The following CTNNA2 variants were observed in gnomAD, a reference collection of about 807,000 sequenced individuals.
CTNNA2 encodes the protein catenin alpha-2.
In CTNNA2, 42 loss-of-function variants were observed where a neutral mutation model predicts 101.0. The ratio of observed to expected loss-of-function variants is 0.42; its 90% CI spans 0.32 to 0.54. The LOEUF (loss-of-function observed/expected upper bound fraction) is 0.54, where lower values mean the gene tolerates loss of function less well. Ranked by LOEUF, CTNNA2 falls within the 20% of genes least tolerant of loss-of-function variation. The pLI is 0.14. For synonymous variants in CTNNA2, 450 were observed against 456.4 expected, an observed-to-expected ratio of 0.99 and a Z score of 0.18; for missense variants, 871 against 1,223.1, an observed-to-expected ratio of 0.71 and a Z score of 4.29.
At chr2:80,384,753 A>G (rs1676847623) in intron 7 of CTNNA2, among the ~76,000 whole-genome samples, 1 of 151,984 alleles carries the variant, frequency 6.6e-6, no homozygotes, top group Admixed American at 6.6e-5. Context: ...GTGCTGGGGA[A>G]AACCCTGTGA....
At chr2:80,144,403 A>G (rs1330137951) in intron 7 of CTNNA2, among the ~76,000 whole-genome samples, 1 of 152,222 alleles carries the variant, frequency 6.6e-6, no homozygotes, top group Non-Finnish European at 1.5e-5. Context: ...AACCCGTAAT[A>G]TGAAATGAGT....
intron 6 of CTNNA2, among the ~76,000 whole-genome samples, chr2:79,906,009 C>T (rs187806933): frequency 5.9e-5 from 9 of 152,076 alleles, no homozygotes; most frequent in Non-Finnish European, 1.0e-4. Flanking sequence ...CTTATTTTCT[C>T]GCTTGTTGGA....
chr2:80,178,011 T>G (rs1009673889), intron 7 of CTNNA2, among the ~76,000 whole-genome samples: 2 of 152,224 alleles, frequency 1.3e-5, no homozygotes, highest in African/African-American at 4.8e-5. Context: ...CACTTTCAGG[T>G]GGTGCCTGCA....
chr2:80,491,347 A>G (rs1002249432), intron 9 of CTNNA2, among the ~76,000 whole-genome samples: 4 of 152,186 alleles, frequency 2.6e-5, no homozygotes, highest in Non-Finnish European at 5.9e-5. Flanking sequence ...CTCCAGCCCA[A>G]GGTGGGAGAA....
intron 7 of CTNNA2, among the ~76,000 whole-genome samples, chr2:80,350,777 C>A (rs1673213900): frequency 6.6e-6 from 1 of 152,124 alleles, no homozygotes; most frequent in East Asian, 1.9e-4. Context: ...ACAACCATGG[C>A]TCAATGACTG....
intron 7 of CTNNA2, among the ~76,000 whole-genome samples, chr2:80,163,519 C>G (rs1221465581): frequency 6.6e-6 from 1 of 151,696 alleles, no homozygotes; most frequent in Non-Finnish European, 1.5e-5. Flanking sequence ...GTTTTATGAC[C>G]CAGGATATGG....
intron 7 of CTNNA2, among the ~76,000 whole-genome samples, chr2:80,039,505 A>G (rs1695894634): frequency 6.6e-6 from 1 of 152,168 alleles, no homozygotes; most frequent in Non-Finnish European, 1.5e-5. Flanking sequence ...TGACTTCTAC[A>G]CTGAGCAAGA....
Position 80,398,700 on chromosome 2 carries a change from C to CAA in CTNNA2, c.1137+5425_1137+5426dup, listed in dbSNP as rs1236606091. Reference sequence around the variant, plus strand: ...TGAAACTCCGTCTCTGCTAAAAATACAAAAAAAAAAAAAAAAATTCACCCG... The same window carrying CAA: ...TGAAACTCCGTCTCTGCTAAAAATACAAAAAAAAAAAAAAAAAAATTCACCCG... On this transcript the variant is annotated intron_variant, in intron 8 of 18. Transcript: ENST00000402739. Among the ~76,000 whole-genome samples, 889 of 97,684 alleles carry CAA rather than the reference C, an allele frequency of 9.1e-3. 15 individuals carry two copies. The highest frequency in any genetic ancestry group is 0.024 in the African/African-American group (710 of 30,078). 64.1% of individuals were successfully genotyped at this position (97,684 alleles called of 152,430 possible).
intron 7 of CTNNA2, among the ~76,000 whole-genome samples, chr2:80,101,723 T>C (rs1029693714): frequency 1.3e-5 from 2 of 152,212 alleles, no homozygotes; most frequent in Non-Finnish European, 2.9e-5. Flanking sequence ...ATATCTCCTC[T>C]CTGGCTCCTC....
At chr2:80,433,318 G>A (rs1349306541) in intron 9 of CTNNA2, among the ~76,000 whole-genome samples, 1 of 152,068 alleles carries the variant, frequency 6.6e-6, no homozygotes, top group African/African-American at 2.4e-5. Context: ...AAGGGGCTCA[G>A]GTGGGAACCC....
intron 16 of CTNNA2, among the ~76,000 whole-genome samples, chr2:80,606,367 A>AACACACACAC (rs67402125): frequency 7.3e-5 from 10 of 137,424 alleles, no homozygotes; most frequent in African/African-American, 2.2e-4. Context: ...AAACACATCA[A>AACACACACAC]ACACACACAC....
In CTNNA2 at chr2:80,544,989, A is replaced by G. The variant is rs1477041614; in HGVS notation, c.1298A>G (p.Asn433Ser). 5 of 1,613,790 alleles carry G rather than the reference A, an allele frequency of 3.1e-6. No homozygotes were observed. Among genetic ancestry groups the G allele is most frequent in the Non-Finnish European group, 4.2e-6 (5 of 1,179,902 alleles). Residue 433 changes from asparagine (N) to serine (S), a missense_variant, in exon 10 of 19, where the codon AAT (asparagine) becomes AGT (serine). By Grantham distance (46) the Asn-to-Ser change is conservative. Around this residue, in one of 5 missense-constraint regions of CTNNA2, gnomAD observed 647 missense variants for 831.5 expected, o/e 0.78. Coordinates refer to ENST00000402739, the MANE Select transcript of CTNNA2 (RefSeq NM_001282597.3). ...EHANKLVEVA[N>S]LACSISNNEE... ...AAATCCTCTTCAATACAGGTTGCCA[A>G]TTTGGCCTGTTCCATCTCCAACAAT...
At chr2:80,405,783 G>A (rs1678995598) in intron 8 of CTNNA2, among the ~76,000 whole-genome samples, 2 of 152,166 alleles carry the variant, frequency 1.3e-5, no homozygotes, top group African/African-American at 4.8e-5. Flanking sequence ...AGGATTAAAG[G>A]AGAACCATTT....
At chr2:79,623,549 A>G (rs1446623575) in intron 1 of CTNNA2, among the ~76,000 whole-genome samples, 1 of 152,202 alleles carries the variant, frequency 6.6e-6, no homozygotes, top group Non-Finnish European at 1.5e-5. Context: ...AATTTGATGT[A>G]GAAAATCTTA....
In CTNNA2 at chr2:79,224,726, C is replaced by T. The variant is rs181855722; in HGVS notation, c.-406+26650C>T. Among the ~76,000 whole-genome samples, 46 of 151,956 alleles carry T rather than the reference C, an allele frequency of 3.0e-4. 2 individuals carry two copies. In the East Asian group the frequency reaches 8.5e-3, roughly 28 times the overall value. ...TTACTGTCAACCCAACGAGTCTCCTCATATGCTTTTTCAATAGCTCTCCAC... is the reference window on the plus strand; with the variant it reads ...TTACTGTCAACCCAACGAGTCTCCTTATATGCTTTTTCAATAGCTCTCCAC... On this transcript the variant is annotated intron_variant, in intron 2 of 21. Transcript: ENST00000466387.
intron 1 of CTNNA2, among the ~76,000 whole-genome samples, chr2:79,537,702 C>G (rs1673156126): frequency 6.6e-6 from 1 of 152,094 alleles, no homozygotes; most frequent in African/African-American, 2.4e-5. Flanking sequence ...ATCAGAACCA[C>G]TTTTACCTTT....
In CTNNA2 at chr2:80,179,152, C is replaced by T. The variant is rs558001014; in HGVS notation, c.1057-214059C>T. 4.6e-5 allele frequency among the ~76,000 whole-genome samples: 7 copies of T among 152,288 alleles called. No individual in the cohort carries two copies. The South Asian group carries it at 6.2e-4, about 14-fold the overall frequency. ...CCTTATGAAAAGGAATGGCATTTGC[C>T]GAATCAGTGGCTGCATACCAGTTAC... is the stretch of plus-strand genomic sequence containing the variant. On this transcript the variant is annotated intron_variant, in intron 7 of 18. Coordinates refer to ENST00000402739, the MANE Select transcript of CTNNA2 (RefSeq NM_001282597.3).
intron 7 of CTNNA2, among the ~76,000 whole-genome samples, chr2:80,072,726 G>T (rs528289372): frequency 6.6e-6 from 1 of 152,076 alleles, no homozygotes; most frequent in Non-Finnish European, 1.5e-5. Flanking sequence ...TGTGGGCAAT[G>T]CAAAAAGGGA....
intron 10 of CTNNA2, 82 bp downstream of exon 10, chr2:80,545,156 A>G (rs1227932349): frequency 7.6e-7 from 1 of 1,322,590 alleles, no homozygotes; most frequent in East Asian, 2.3e-5. Context: ...TTCCTTCTCT[A>G]TTTCCTCTTG....
Sources: allele counts gnomAD v4.1 joint callset (sites outside exome capture counted in the v4.1 genomes callset), GRCh38; gene constraint gnomAD v4.1.1; regional missense constraint gnomAD v4.1.1; transcripts MANE v1.5; gene names NCBI Gene and HGNC (gene_info 2026-07-23, HGNC 2026-07-21).